Variants in NSD2 observed in about 807,000 individuals in gnomAD.
NSD2 encodes the protein nuclear receptor binding SET domain protein 2, also known as histone-lysine N-methyltransferase NSD2.
Under a neutral mutation model 139.0 loss-of-function variants are expected in NSD2, and 12 were observed. The ratio of observed to expected loss-of-function variants is 0.09; its 90% CI spans 0.06 to 0.14. The LOEUF (loss-of-function observed/expected upper bound fraction) is 0.14, where lower values mean the gene tolerates loss of function less well. Ranked by LOEUF, NSD2 falls within the 10% of genes least tolerant of loss-of-function variation. The pLI, the probability that NSD2 is intolerant of heterozygous loss-of-function variation, is 1.00. For missense variants in NSD2, 1,155 were observed against 1,745.0 expected, an observed-to-expected ratio of 0.66 and a Z score of 6.02; for synonymous variants, 669 against 648.7, an observed-to-expected ratio of 1.03 and a Z score of -0.48.
At position 1,972,671 on chromosome 4, in the gene NSD2, G is replaced by C. The variant is rs1056617211; in HGVS notation, c.3373-2192G>C. On this transcript the variant is annotated intron_variant, in intron 18 of 21. Transcript: ENST00000508803. The surrounding 1 kb of genome is among the most constrained non-coding windows in gnomAD (Gnocchi z 4.0). ...CCAGATGGATTGAACAGCTAGGAGT[G>C]GGGGAGATGCATTTTATAATCTGTG... Among the ~76,000 whole-genome samples, 1 of 152,254 alleles carries C rather than the reference G, an allele frequency of 6.6e-6. No individual in the cohort carries two copies. Among genetic ancestry groups the C allele is most frequent in the Admixed American group, 6.5e-5 (1 of 15,286 alleles).
intron 18 of NSD2, among the ~76,000 whole-genome samples, chr4:1,965,051 C>CAAAAAAAAAAAAAAAA (rs555374240): frequency 2.1e-5 from 1 of 47,178 alleles, no homozygotes; most frequent in Non-Finnish European, 3.8e-5. Flanking sequence ...CAGTGTTCAG[C>CAAAAAAAAAAAAAAAA]AAAAAAAAAA....
chr4:1,937,820 C>T (rs939643241), intron 7 of NSD2, among the ~76,000 whole-genome samples: 2 of 152,220 alleles, frequency 1.3e-5, no homozygotes, highest in African/African-American at 2.4e-5. Flanking sequence ...AGTTTTCAGC[C>T]ACACCTTTCA....
intron 18 of NSD2, among the ~76,000 whole-genome samples, chr4:1,963,016 A>G (rs1365317688): frequency 6.6e-6 from 1 of 152,172 alleles, no homozygotes; most frequent in Non-Finnish European, 1.5e-5. Flanking sequence ...GGCATACCCT[A>G]TGACATTGGA....
At chr4:1,909,375 GA>G (rs1718366910) in intron 3 of NSD2, among the ~76,000 whole-genome samples, 1 of 152,142 alleles carries the variant, frequency 6.6e-6, no homozygotes, top group African/African-American at 2.4e-5. Flanking sequence ...TGCTCTGGGA[GA>G]CAGAGTTTGC....
chr4:1,901,927 A>T (rs1403425430), intron 2 of NSD2, among the ~76,000 whole-genome samples: 1 of 152,174 alleles, frequency 6.6e-6, no homozygotes, highest in Non-Finnish European at 1.5e-5. Flanking sequence ...GTGCTGCTCC[A>T]TTCTGCCTGG....
At chr4:1,941,928 T>A in intron 9 of NSD2, 1 of 1,073,880 alleles carries the variant, frequency 9.3e-7, no homozygotes, top group South Asian at 4.3e-5. Context: ...AACAGCCTGT[T>A]GACTGCTGGG....
chr4:1,939,613 GT>G (rs1258950942), intron 8 of NSD2, 40 bp from the exon 9 acceptor site: 1 of 1,596,478 alleles, frequency 6.3e-7, no homozygotes. Context: ...AAGATCAAGG[GT>G]TTATGATTTG....
At chr4:1,911,708 G>C (rs1427554487) in intron 3 of NSD2, among the ~76,000 whole-genome samples, 6 of 151,352 alleles carry the variant, frequency 4.0e-5, no homozygotes, top group Non-Finnish European at 2.9e-5. Context: ...AAAACAGTGA[G>C]ATATTCACCT....
chr4:1,872,631 A>C (rs1055476625), intron 1 of NSD2, among the ~76,000 whole-genome samples: 37 of 133,382 alleles, frequency 2.8e-4, no homozygotes, highest in Middle Eastern at 4.0e-3. Flanking sequence ...AGAGAGAGAG[A>C]GAGAGCGCGC....
intron 1 of NSD2, chr4:1,887,516 C>T (rs1363210868): frequency 2.0e-5 from 3 of 152,090 alleles, no homozygotes; most frequent in East Asian, 1.9e-4. Context: ...TGCTCCCTTG[C>T]GCAGGCGAGA....
At chr4:1,923,539 C>T (rs1428159844) in intron 5 of NSD2, among the ~76,000 whole-genome samples, 1 of 152,130 alleles carries the variant, frequency 6.6e-6, no homozygotes, top group African/African-American at 2.4e-5. Flanking sequence ...TCACAGTCAT[C>T]AGGTGAGCAG....
At position 1,955,948 on chromosome 4, in the gene NSD2, G is replaced by A; in HGVS notation, c.2676-35G>A. ...TGAAATTATTATCGCTGTCTCTGAG[G>A]AGTCTGTGAATCCTGTTTTTAATAT... is the stretch of plus-strand genomic sequence containing the variant. On this transcript the variant is annotated intron_variant, in intron 14 of 21. Coordinates refer to ENST00000508803, the MANE Select transcript of NSD2 (RefSeq NM_001042424.3). The surrounding 1 kb of genome is among the most constrained non-coding windows in gnomAD (Gnocchi z 4.7). 6.2e-7 allele frequency: 1 copy of A among 1,612,610 alleles called. No homozygotes were observed. Among genetic ancestry groups the A allele is most frequent in the African/African-American group, 1.3e-5 (1 of 74,856 alleles).
At chr4:1,914,546 G>A (rs1176215290) in intron 3 of NSD2, among the ~76,000 whole-genome samples, 1 of 151,960 alleles carries the variant, frequency 6.6e-6, no homozygotes, top group African/African-American at 2.4e-5. Flanking sequence ...GGCTGGTCTC[G>A]AACTCTTGAT....
chr4:1,947,978 G>A (rs898003603), intron 9 of NSD2: 2 of 1,056,738 alleles, frequency 1.9e-6, no homozygotes. Context: ...TTAGCAGTTG[G>A]CTGGAATGTG....
At chr4:1,961,796 G>A (rs1281710113) in intron 18 of NSD2, among the ~76,000 whole-genome samples, 1 of 152,204 alleles carries the variant, frequency 6.6e-6, no homozygotes, top group African/African-American at 2.4e-5. Flanking sequence ...GTGGGGGTGC[G>A]TGTCATCCCT....
At chr4:1,927,714 T>C (rs532302978) in intron 5 of NSD2, among the ~76,000 whole-genome samples, 94 of 89,260 alleles carry the variant, frequency 1.1e-3, no homozygotes, top group Non-Finnish European at 1.7e-3. Flanking sequence ...GAGACTCTTA[T>C]CTCAGAAAAA....
In NSD2 at chr4:1,955,551, C is replaced by T; in HGVS notation, c.2519-142C>T. The T allele has an allele frequency of 8.0e-7, 1 of 1,247,214 alleles. No individual in the cohort carries two copies. The highest frequency in any genetic ancestry group is 2.6e-5 in the East Asian group (1 of 39,006). 77.3% of individuals were successfully genotyped at this position (1,247,214 alleles called of 1,614,324 possible). ...TTATTTGTGGTGAAAATGACATTTG[C>T]TCTCGTGCTGATGTACAGATCGCTG... On this transcript the variant is annotated intron_variant, in intron 13 of 21. Transcript: ENST00000508803. The surrounding 1 kb of genome is among the most constrained non-coding windows in gnomAD (Gnocchi z 4.7).
chr4:1,903,686 G>A (rs1247633290), intron 2 of NSD2, among the ~76,000 whole-genome samples: 1 of 151,780 alleles, frequency 6.6e-6, no homozygotes, highest in Non-Finnish European at 1.5e-5. Context: ...AACACCTGCT[G>A]TGTGCTATGC....
At chr4:1,935,323 A>G (rs983032972) in intron 7 of NSD2, 61 bp downstream of exon 7, 1 of 1,328,934 alleles carries the variant, frequency 7.5e-7, no homozygotes. Flanking sequence ...TCTTGGTGCC[A>G]CTGTTTCCCT....
Sources: allele counts gnomAD v4.1 joint callset (sites outside exome capture counted in the v4.1 genomes callset), GRCh38; gene constraint gnomAD v4.1.1; non-coding constraint Gnocchi (gnomAD v3.1); transcripts MANE v1.5; gene names NCBI Gene and HGNC (gene_info 2026-07-23, HGNC 2026-07-21).